Variants in CDH18 observed in about 807,000 individuals in gnomAD.
CDH18 encodes cadherin 18.
A neutral mutation model predicts 67.9 loss-of-function variants in CDH18; 31 were observed. That is an observed-to-expected ratio of 0.46 (90% CI 0.34 to 0.62). The LOEUF (loss-of-function observed/expected upper bound fraction) is 0.62. Among genes scored for constraint, CDH18 ranks in the 20% least tolerant of loss-of-function variants. The pLI, the probability that CDH18 is intolerant of heterozygous loss-of-function variation, is 0.01. For synonymous variants in CDH18, 362 were observed against 347.2 expected, an observed-to-expected ratio of 1.04 and a Z score of -0.48; for missense variants, 890 against 975.5, an observed-to-expected ratio of 0.91 and a Z score of 1.17.
intron 1 of CDH18, among the ~76,000 whole-genome samples, chr5:20,323,012 T>A (rs10473382): frequency 0.12 from 17,634 of 151,760 alleles, 1,731 homozygotes; most frequent in East Asian, 0.37. Flanking sequence ...GAATAGGTTT[T>A]AAAAAAAAGC....
chr5:19,896,723 A>G (rs969583347), intron 2 of CDH18, among the ~76,000 whole-genome samples: 4 of 152,256 alleles, frequency 2.6e-5, no homozygotes, highest in South Asian at 4.1e-4. Context: ...ATAATATTGC[A>G]TAGAAACACA....
intron 1 of CDH18, among the ~76,000 whole-genome samples, chr5:20,571,745 A>C (rs1156806619): frequency 6.6e-6 from 1 of 152,166 alleles, no homozygotes; most frequent in Non-Finnish European, 1.5e-5. Context: ...TCAAGGAGCT[A>C]TTCAATAAAT....
intron 2 of CDH18, among the ~76,000 whole-genome samples, chr5:20,188,044 A>G (rs187617218): frequency 6.6e-6 from 1 of 152,072 alleles, no homozygotes; most frequent in Admixed American, 6.6e-5. Context: ...AATGCATTGC[A>G]GAGACATGCC....
rs192550114 is a variant in CDH18, at chr5:20,419,678, C to T, written c.-580+155784G>A. Among the ~76,000 whole-genome samples, 281 of 150,236 alleles carry T rather than the reference C, an allele frequency of 1.9e-3. 16 individuals carry two copies. The highest frequency in any genetic ancestry group is 6.8e-3 in the African/African-American group (270 of 39,896). On this transcript the variant is annotated intron_variant, in intron 1 of 14. Coordinates refer to the CDH18 transcript ENST00000507958. Reference sequence around the variant, plus strand: ...ATTTTTGGTAGAGACGGGGTTTCACCCTGTTAGCCAGGATGGTCTCGATCT... The same window carrying T: ...ATTTTTGGTAGAGACGGGGTTTCACTCTGTTAGCCAGGATGGTCTCGATCT...
chr5:19,702,697 G>A lies in CDH18; in HGVS notation c.643+18650C>T, dbSNP rs570931966. ...TCACGAGAATCACTTGAACCCGGGAGGTGGAGTTTCAGTGTGTTGGGAACA... is the reference window on the plus strand; with the variant it reads ...TCACGAGAATCACTTGAACCCGGGAAGTGGAGTTTCAGTGTGTTGGGAACA... On this transcript the variant is annotated intron_variant, in intron 5 of 12. Coordinates refer to ENST00000382275, the MANE Select transcript of CDH18 (RefSeq NM_004934.5). Among the ~76,000 whole-genome samples the A allele has an allele frequency of 5.9e-5, 9 of 152,166 alleles. No homozygotes were observed. In the East Asian group the frequency reaches 1.6e-3, roughly 27 times the overall value.
At chr5:20,507,681 T>C (rs1415106180) in intron 1 of CDH18, among the ~76,000 whole-genome samples, 1 of 151,956 alleles carries the variant, frequency 6.6e-6, no homozygotes, top group Non-Finnish European at 1.5e-5. Context: ...GGTTCTATGT[T>C]TATTTTTATT....
At chr5:20,123,207 A>C (rs1347054878) in intron 2 of CDH18, among the ~76,000 whole-genome samples, 1 of 152,036 alleles carries the variant, frequency 6.6e-6, no homozygotes, top group Non-Finnish European at 1.5e-5. Context: ...GATCTGGAAA[A>C]GAGTAGAAGA....
chr5:20,574,456 T>G (rs1444810362), intron 1 of CDH18, among the ~76,000 whole-genome samples: 1 of 151,984 alleles, frequency 6.6e-6, no homozygotes, highest in Non-Finnish European at 1.5e-5. Flanking sequence ...AGAGCAATTC[T>G]CGGGGTAAAA....
rs117471554 is a variant in CDH18, at chr5:19,508,243, C to G, written c.1513-5134G>C. Among the ~76,000 whole-genome samples, 211 of 152,040 alleles carry G rather than the reference C, an allele frequency of 1.4e-3. 4 individuals carry two copies. The East Asian group carries it at 0.037, about 27-fold the overall frequency. ...CTTAGACTTTCTTTAGAAAATATACCTGGGAACTTAACATGTTTATGGTTT... is the reference window on the plus strand; with the variant it reads ...CTTAGACTTTCTTTAGAAAATATACGTGGGAACTTAACATGTTTATGGTTT... On this transcript the variant is annotated intron_variant, in intron 10 of 12. Transcript: ENST00000382275.
intron 1 of CDH18, among the ~76,000 whole-genome samples, chr5:20,260,242 A>T (rs1207591314): frequency 6.6e-6 from 1 of 151,534 alleles, no homozygotes; most frequent in African/African-American, 2.4e-5. Flanking sequence ...GGGACTAGTT[A>T]TTGCTGCTCA....
intron 2 of CDH18, among the ~76,000 whole-genome samples, chr5:20,229,482 A>C (rs1432341721): frequency 1.3e-5 from 2 of 152,110 alleles, no homozygotes; most frequent in Non-Finnish European, 2.9e-5. Flanking sequence ...GCTAGAAAAC[A>C]ATGCCAGGAA....
chr5:20,361,768 T>A (rs1320238953), intron 1 of CDH18, among the ~76,000 whole-genome samples: 3 of 152,156 alleles, frequency 2.0e-5, no homozygotes, highest in African/African-American at 4.8e-5. Context: ...GTTATTTTCA[T>A]CTAACAACAT....
intron 1 of CDH18, among the ~76,000 whole-genome samples, chr5:20,385,481 A>G (rs1744240951): frequency 6.6e-6 from 1 of 152,180 alleles, no homozygotes; most frequent in Non-Finnish European, 1.5e-5. Flanking sequence ...AGGCTAACCT[A>G]AAAGGCTCTC....
At chr5:20,293,439 A>G (rs1747254158) in intron 1 of CDH18, among the ~76,000 whole-genome samples, 1 of 152,128 alleles carries the variant, frequency 6.6e-6, no homozygotes, top group Non-Finnish European at 1.5e-5. Context: ...TAAGGAAGAG[A>G]TAAGTGCTGA....
chr5:20,425,893 A>G (rs1407944797), intron 1 of CDH18, among the ~76,000 whole-genome samples: 2 of 150,568 alleles, frequency 1.3e-5, no homozygotes, highest in South Asian at 2.1e-4. Flanking sequence ...GATAAAACAG[A>G]TGGTTGTAGG....
At chr5:20,095,423 G>GAAAGAA (rs1554089638) in intron 2 of CDH18, among the ~76,000 whole-genome samples, 3 of 122,862 alleles carry the variant, frequency 2.4e-5, no homozygotes, top group African/African-American at 9.2e-5. Context: ...AAGAAAGAAA[G>GAAAGAA]AAAGAAAGAA....
intron 11 of CDH18, 51 bp downstream of exon 11, chr5:19,502,941 A>G (rs747979120): frequency 9.9e-7 from 1 of 1,013,662 alleles, no homozygotes; most frequent in South Asian, 1.3e-5. Context: ...ATTACATATA[A>G]GGTCAAAGCA....
At chr5:20,100,184 A>C (rs1182753233) in intron 2 of CDH18, among the ~76,000 whole-genome samples, 1 of 152,236 alleles carries the variant, frequency 6.6e-6, no homozygotes, top group Non-Finnish European at 1.5e-5. Context: ...ATTATTTAGT[A>C]TATCATACAA....
At chr5:20,082,134 CAA>C (rs577850481) in intron 2 of CDH18, among the ~76,000 whole-genome samples, 3 of 139,630 alleles carry the variant, frequency 2.1e-5, no homozygotes, top group Non-Finnish European at 3.1e-5. Context: ...CCGATGCATT[CAA>C]AAAAAAAAAG....
Sources: allele counts gnomAD v4.1 joint callset (sites outside exome capture counted in the v4.1 genomes callset), GRCh38; gene constraint gnomAD v4.1.1; transcripts MANE v1.5; gene names NCBI Gene and HGNC (gene_info 2026-07-23, HGNC 2026-07-21).